L3MBTL4: variants seen among roughly 807,000 people sequenced by gnomAD.
The protein encoded by L3MBTL4 is lethal(3)malignant brain tumor-like protein 4.
L3MBTL4 carries 70 observed loss-of-function variants against 84.5 expected under a neutral mutation model. The ratio of observed to expected loss-of-function variants is 0.83; its 90% confidence interval spans 0.68 to 1.01. The LOEUF (loss-of-function observed/expected upper bound fraction) is 1.01, where lower values mean the gene tolerates loss of function less well. Among genes scored for constraint, L3MBTL4 ranks in the 50% least tolerant of loss-of-function variants. L3MBTL4 has a pLI of 0.00. For synonymous variants in L3MBTL4, 274 were observed against 259.8 expected (o/e 1.05, Z -0.52); for missense variants, 715 against 754.8 (o/e 0.95, Z 0.62).
chr18:6,000,353 A>G (rs1014888739), intron 16 of L3MBTL4, among the ~76,000 whole-genome samples: 5 of 152,132 alleles, frequency 3.3e-5, no homozygotes, highest in Admixed American at 6.5e-5. Flanking sequence ...CAGCAAGTCA[A>G]TAAAAGGCAA....
At chr18:6,304,332 G>A (rs747410546) in intron 3 of L3MBTL4, among the ~76,000 whole-genome samples, 16 of 152,304 alleles carry the variant, frequency 1.1e-4, no homozygotes, top group Non-Finnish European at 1.9e-4. Flanking sequence ...AGAATGAAAG[G>A]TTCAAGAAGA....
At chr18:5,969,363 CA>C in intron 17 of L3MBTL4, 29 bp downstream of exon 17, 2 of 1,612,672 alleles carry the variant, frequency 1.2e-6, no homozygotes, top group Non-Finnish European at 1.7e-6. Context: ...AGGCACACCC[CA>C]GCCCTGGCCC....
intron 18 of L3MBTL4, among the ~76,000 whole-genome samples, chr18:5,956,627 A>G (rs536896359): frequency 3.9e-5 from 6 of 152,334 alleles, no homozygotes; most frequent in African/African-American, 1.4e-4. Flanking sequence ...GTTAAATACG[A>G]ATTCAATATA....
At chr18:6,011,910 A>G (rs1200040180) in intron 16 of L3MBTL4, among the ~76,000 whole-genome samples, 1 of 152,214 alleles carries the variant, frequency 6.6e-6, no homozygotes, top group Non-Finnish European at 1.5e-5. Context: ...AAAAGTCATC[A>G]CTGTTTATTG....
chr18:6,373,103 C>G (rs1435576376), intron 1 of L3MBTL4, among the ~76,000 whole-genome samples: 1 of 152,064 alleles, frequency 6.6e-6, no homozygotes, highest in Non-Finnish European at 1.5e-5. Context: ...GGTTCTCTCC[C>G]CCACAATATT....
At chr18:5,959,659 G>A (rs1304971964) in intron 18 of L3MBTL4, among the ~76,000 whole-genome samples, 1 of 152,090 alleles carries the variant, frequency 6.6e-6, no homozygotes, top group Non-Finnish European at 1.5e-5. Flanking sequence ...TCTTTCCCAG[G>A]TGCAATCCCA....
chr18:5,972,887 CAGAAGAGAATAGAATAGAAT>C lies in L3MBTL4; in HGVS notation c.1445-3345_1445-3326del, dbSNP rs1211184699. On this transcript the variant is annotated intron_variant, in intron 16 of 18. Coordinates refer to ENST00000317931, the MANE Select transcript of L3MBTL4 (RefSeq NM_001330559.2). ...TAGAATAGAATAGAATAGAATAGAA[CAGAAGAGAATAGAATAGAAT>C]AGAATAGAATAGAATAGAATAGAAT... Among the ~76,000 whole-genome samples the C allele has an allele frequency of 9.9e-3, 264 of 26,694 alleles. 11 individuals are homozygous for C. The highest frequency in any genetic ancestry group is 0.034 in the African/African-American group (203 of 6,046). The allele number at this position is 26,694 out of a possible 152,430, so 17.5% of individuals were successfully genotyped here.
chr18:6,075,076 A>G (rs1426798514), intron 16 of L3MBTL4, among the ~76,000 whole-genome samples: 2 of 152,174 alleles, frequency 1.3e-5, no homozygotes, highest in African/African-American at 4.8e-5. Flanking sequence ...AAGGATGATC[A>G]TGTTCATGAA....
rs763297770 is a variant in L3MBTL4 at position 5,956,392 on chromosome 18, A to T, written c.1678-5T>A. ...GAAGGCTTTGCCATCGATCTGCTGC[A>T]AATACATAAATAGACACAAATAAAA... On this transcript the variant is annotated splice_region_variant and splice_polypyrimidine_tract_variant and intron_variant, in intron 18 of 18. Coordinates refer to ENST00000317931, the MANE Select transcript of L3MBTL4 (RefSeq NM_001330559.2). The T allele has an allele frequency of 3.1e-6, 5 of 1,613,004 alleles. No homozygotes were observed. In the South Asian group the frequency reaches 5.5e-5, roughly 18 times the overall value.
intron 3 of L3MBTL4, among the ~76,000 whole-genome samples, chr18:6,303,195 G>A (rs768582114): frequency 2.0e-5 from 3 of 151,852 alleles, no homozygotes. Flanking sequence ...GCACAATCTC[G>A]GCTCACTGCA....
At chr18:6,031,861 T>C in intron 16 of L3MBTL4, 1 of 982,548 alleles carries the variant, frequency 1.0e-6, no homozygotes, top group Non-Finnish European at 1.2e-6. Context: ...AGTACAGTTT[T>C]GTTACACAGA....
At chr18:6,281,294 G>A (rs2049310087) in intron 4 of L3MBTL4, among the ~76,000 whole-genome samples, 1 of 152,156 alleles carries the variant, frequency 6.6e-6, no homozygotes, top group African/African-American at 2.4e-5. Context: ...AGCATCCATA[G>A]CTAACATTTT....
intron 16 of L3MBTL4, among the ~76,000 whole-genome samples, chr18:6,042,581 T>G (rs755062611): frequency 6.6e-6 from 1 of 152,198 alleles, no homozygotes; most frequent in Non-Finnish European, 1.5e-5. Flanking sequence ...CCGTCCTACA[T>G]GAGCCCTCAG....
At chr18:6,043,731 A>G (rs1433675114) in intron 16 of L3MBTL4, among the ~76,000 whole-genome samples, 2 of 152,246 alleles carry the variant, frequency 1.3e-5, no homozygotes, top group Admixed American at 1.3e-4. Context: ...TGCCTAACAC[A>G]GTACTTACTA....
chr18:6,327,432 A>C (rs2147118406), intron 1 of L3MBTL4, among the ~76,000 whole-genome samples: 1 of 152,364 alleles, frequency 6.6e-6, no homozygotes, highest in Non-Finnish European at 1.5e-5. Context: ...TACAGCACTT[A>C]AAAGAGCTAC....
At chr18:6,286,077 G>A (rs1446201880) in intron 4 of L3MBTL4, among the ~76,000 whole-genome samples, 9 of 151,566 alleles carry the variant, frequency 5.9e-5, no homozygotes, top group South Asian at 2.1e-4. Context: ...TGATCCGCCC[G>A]CCTCGGCCTC....
At chr18:6,122,630 C>T (rs775258511) in intron 14 of L3MBTL4, among the ~76,000 whole-genome samples, 5 of 152,210 alleles carry the variant, frequency 3.3e-5, no homozygotes, top group Non-Finnish European at 5.9e-5. Flanking sequence ...AAATTAAACC[C>T]TCCTTCTTTT....
At chr18:6,112,421 T>C (rs2059223459) in intron 14 of L3MBTL4, among the ~76,000 whole-genome samples, 2 of 152,192 alleles carry the variant, frequency 1.3e-5, no homozygotes, top group Admixed American at 6.5e-5. Context: ...AGCATGTCTT[T>C]AGGTATTAAA....
intron 15 of L3MBTL4, 187 bp from the exon 16 acceptor site, chr18:6,081,138 T>G (rs2058064797): frequency 4.4e-6 from 2 of 452,750 alleles, no homozygotes; most frequent in Non-Finnish European, 7.7e-6. Flanking sequence ...GTTCAGAAAC[T>G]CTGACTTTGA....
Sources: gnomAD v4.1 joint callset for allele counts (sites outside exome capture counted in the v4.1 genomes callset) on GRCh38, gnomAD v4.1.1 for gene constraint, MANE v1.5 for transcripts, NCBI Gene and HGNC (gene_info 2026-07-23, HGNC 2026-07-21) for gene names.